Variants in ZSWIM4 observed in about 807,000 individuals in gnomAD.
ZSWIM4 encodes the protein zinc finger SWIM-type containing 4.
A neutral mutation model predicts 102.5 loss-of-function variants in ZSWIM4; 62 were observed. The observed-to-expected ratio is 0.60, with a 90% CI of 0.49 to 0.75. The LOEUF (loss-of-function observed/expected upper bound fraction) is 0.75. Among genes scored for constraint, ZSWIM4 ranks in the 30% least tolerant of loss-of-function variants. ZSWIM4 has a pLI of 0.00. For missense variants in ZSWIM4, 1,280 were observed against 1,529.6 expected, an observed-to-expected ratio of 0.84 and a Z score of 2.72; for synonymous variants, 652 against 674.5, an observed-to-expected ratio of 0.97 and a Z score of 0.52.
intron 12 of ZSWIM4, among the ~76,000 whole-genome samples, chr19:13,827,388 G>T (rs758855458): frequency 6.6e-6 from 1 of 151,848 alleles, no homozygotes; most frequent in African/African-American, 2.4e-5. Flanking sequence ...ATCGCTTGAG[G>T]CCAGGAGTTC....
At chr19:13,814,955 A>G in intron 7 of ZSWIM4, 90 bp downstream of exon 7, 3 of 769,322 alleles carry the variant, frequency 3.9e-6, no homozygotes, top group South Asian at 4.2e-5. Context: ...CCAGGAGTTC[A>G]ACATCAGCCT....
In ZSWIM4 at chr19:13,817,240, G is replaced by T. The variant is rs1024765116; in HGVS notation, c.1556G>T (p.Cys519Phe). 4.3e-6 allele frequency: 7 copies of T among 1,613,632 alleles called. No homozygotes were observed. In the Admixed American group the frequency reaches 1.2e-4, roughly 27 times the overall value. ...KKELLQKGST[C>F]ITNTEGWVGH... ...GAGCTGCTCCAGAAGGGCTCCACCT[G>T]CATCACCAACACCGAAGGATGGGTG... The change falls in exon 8 of 14, where the codon TGC becomes TTC. Residue 519 changes from cysteine to phenylalanine, a missense_variant. Physicochemically the swap from Cys to Phe is radical, Grantham distance 205. Transcript: ENST00000590508.
chr19:13,812,550 C>G (rs933695036), intron 5 of ZSWIM4, among the ~76,000 whole-genome samples: 1 of 151,310 alleles, frequency 6.6e-6, no homozygotes, highest in African/African-American at 2.4e-5. Context: ...ACCTCCACCT[C>G]CCGGGTTCGA....
chr19:13,799,033 A>G (rs1371992089), intron 1 of ZSWIM4, among the ~76,000 whole-genome samples: 3 of 151,766 alleles, frequency 2.0e-5, no homozygotes, highest in Non-Finnish European at 4.4e-5. Flanking sequence ...AAGTGCACCA[A>G]CTGCCTTGGC....
chr19:13,813,546 A>T (rs977606393), intron 6 of ZSWIM4, among the ~76,000 whole-genome samples: 10 of 151,942 alleles, frequency 6.6e-5, no homozygotes, highest in Non-Finnish European at 1.3e-4. Flanking sequence ...GCAGAGATGG[A>T]TGGAGAGAGG....
intron 13 of ZSWIM4, among the ~76,000 whole-genome samples, chr19:13,829,378 G>C (rs1369411690): frequency 6.6e-6 from 1 of 152,106 alleles, no homozygotes; most frequent in Non-Finnish European, 1.5e-5. Context: ...ATCACTTGAG[G>C]TCAGGAGTTC....
chr19:13,805,045 C>T lies in ZSWIM4; in HGVS notation c.609C>T (p.Phe203=), dbSNP rs754590844. 6.2e-7 allele frequency: 1 copy of T among 1,610,816 alleles called. No homozygotes were observed. Among genetic ancestry groups the T allele is most frequent in the Admixed American group, 1.7e-5 (1 of 60,008 alleles). The change falls in exon 3 of 14, where the codon TTC becomes TTT. Residue 203 remains phenylalanine (F), a synonymous_variant. Transcript: ENST00000590508. ...TGAACCGGGACCAGCTGCAGAAGTTCGTGCAGTACCTCATCAGCGCCCATC... is the reference window on the plus strand; with the variant it reads ...TGAACCGGGACCAGCTGCAGAAGTTTGTGCAGTACCTCATCAGCGCCCATC... ...SQMNRDQLQK[F]VQYLISAHHT...
chr19:13,801,571 A>G (rs1974771252), intron 2 of ZSWIM4, among the ~76,000 whole-genome samples: 3 of 152,122 alleles, frequency 2.0e-5, no homozygotes, highest in Admixed American at 1.3e-4. Flanking sequence ...CCTCAGGCAG[A>G]GAGGCTGGGA....
At chr19:13,824,330 G>A (rs1975547627) in intron 11 of ZSWIM4, among the ~76,000 whole-genome samples, 1 of 152,190 alleles carries the variant, frequency 6.6e-6, no homozygotes, top group Non-Finnish European at 1.5e-5. Context: ...GGGAGGCTGA[G>A]GCGGGCAAAT....
Position 13,817,253 on chromosome 19 carries a change from C to G in ZSWIM4, c.1569C>G (p.Thr523=), listed in dbSNP as rs139676736. 374 of 1,613,952 alleles carry G rather than the reference C, an allele frequency of 2.3e-4. 1 individual carries two copies. In the African/African-American group the frequency reaches 4.4e-3, roughly 19 times the overall value. The change falls in exon 8 of 14, where the codon ACC becomes ACG. Residue 523 remains threonine, a synonymous_variant. Coordinates refer to ENST00000590508, the MANE Select transcript of ZSWIM4 (RefSeq NM_001367834.3). ...LQKGSTCITN[T]EGWVGHPLDP... The stretch of plus-strand genomic sequence containing the variant: ...AGGGCTCCACCTGCATCACCAACAC[C>G]GAAGGATGGGTGGGGCACCCCCTGG...
rs868288594 is a variant in ZSWIM4 at position 13,832,105 on chromosome 19, G to A, written c.*1055G>A. 6.6e-4 allele frequency: 96 copies of A among 145,134 alleles called. No homozygotes were observed. The highest frequency in any genetic ancestry group is 2.1e-3 in the African/African-American group (81 of 39,150). 9.0% of individuals were successfully genotyped at this position (145,134 alleles called of 1,614,324 possible). On this transcript the variant is annotated 3_prime_UTR_variant, in exon 14 of 14. Coordinates refer to ENST00000590508, the MANE Select transcript of ZSWIM4 (RefSeq NM_001367834.3). ...GTAACTTTTTTTCTATTTATTGAAC[G>A]GTGTATTACATGTCCTTTTCCTTTT...
chr19:13,797,399 G>A (rs994097112), intron 1 of ZSWIM4, among the ~76,000 whole-genome samples: 1 of 152,214 alleles, frequency 6.6e-6, no homozygotes, highest in Non-Finnish European at 1.5e-5. Context: ...GAACGACAGA[G>A]TCTGTCTTAG....
intron 9 of ZSWIM4, among the ~76,000 whole-genome samples, chr19:13,818,591 C>T (rs577848587): frequency 1.3e-5 from 2 of 152,092 alleles, no homozygotes; most frequent in African/African-American, 2.4e-5. Context: ...TTGCGACAGT[C>T]TTCACTCTGT....
chr19:13,819,156 G>A (rs1434093766), intron 9 of ZSWIM4, among the ~76,000 whole-genome samples: 2 of 152,070 alleles, frequency 1.3e-5, no homozygotes, highest in African/African-American at 4.8e-5. Context: ...GAGCCACCGC[G>A]CCAGGCCTCC....
rs752715832 is a variant in ZSWIM4 at position 13,799,880 on chromosome 19, A to C, written c.314A>C (p.His105Pro). ...CGGGTGCCCTTTACCCGCGGGCTGCACCTGCTCCAGAGCGGGGCCGTGGAC... is the reference window on the plus strand; with the variant it reads ...CGGGTGCCCTTTACCCGCGGGCTGCCCCTGCTCCAGAGCGGGGCCGTGGAC... ...DARVPFTRGL[H>P]LLQSGAVDRV... The change falls in exon 2 of 14, where the codon CAC becomes CCC. Residue 105 changes from histidine (H) to proline (P), a missense_variant. Coordinates refer to ENST00000590508, the MANE Select transcript of ZSWIM4 (RefSeq NM_001367834.3). 3 of 1,613,218 alleles carry C rather than the reference A, an allele frequency of 1.9e-6. No individual in the cohort carries two copies. Among genetic ancestry groups the C allele is most frequent in the Non-Finnish European group, 2.5e-6 (3 of 1,179,972 alleles).
In ZSWIM4 at chr19:13,825,527, C is replaced by T; in HGVS notation, c.2216-23C>T. On this transcript the variant is annotated intron_variant, in intron 11 of 13. Coordinates refer to ENST00000590508, the MANE Select transcript of ZSWIM4 (RefSeq NM_001367834.3). The surrounding 1 kb of genome is among the most constrained non-coding windows in gnomAD (Gnocchi z 4.6). ...GGTGCTGAGGTGTATCCGATGGTGT[C>T]CTCTGTCCCGCCCTTCACCCAGGAG... is the stretch of plus-strand genomic sequence containing the variant. 2 of 1,610,550 alleles carry T rather than the reference C, an allele frequency of 1.2e-6. No homozygotes were observed. The highest frequency in any genetic ancestry group is 1.7e-6 in the Non-Finnish European group (2 of 1,177,552).
chr19:13,824,497 C>T (rs911134915), intron 11 of ZSWIM4, among the ~76,000 whole-genome samples: 7 of 151,566 alleles, frequency 4.6e-5, no homozygotes, highest in East Asian at 1.9e-4. Context: ...TTTGGGAGGC[C>T]GAGGCCGGGG....
intron 9 of ZSWIM4, among the ~76,000 whole-genome samples, chr19:13,818,574 T>C (rs1168795691): frequency 6.6e-6 from 1 of 152,176 alleles, no homozygotes; most frequent in Non-Finnish European, 1.5e-5. Context: ...TTTTTTCCTT[T>C]TTTATTTTGC....
chr19:13,810,438 G>A (rs1404915808), intron 5 of ZSWIM4, among the ~76,000 whole-genome samples: 1 of 151,648 alleles, frequency 6.6e-6, no homozygotes, highest in South Asian at 2.1e-4. Flanking sequence ...GATTATAGGT[G>A]CGTGCCACCA....
Sources: allele counts gnomAD v4.1 joint callset (sites outside exome capture counted in the v4.1 genomes callset), GRCh38; gene constraint gnomAD v4.1.1; non-coding constraint Gnocchi (gnomAD v3.1); transcripts MANE v1.5; gene names NCBI Gene and HGNC (gene_info 2026-07-23, HGNC 2026-07-21).